NEIL2: variants seen among roughly 807,000 people sequenced by gnomAD.
NEIL2 encodes nei like DNA glycosylase 2.
Under a neutral mutation model 22.2 loss-of-function variants are expected in NEIL2, and 23 were observed. The observed-to-expected ratio is 1.04, with a 90% confidence interval of 0.75 to 1.47. NEIL2 has a LOEUF of 1.47. NEIL2 is among the 40% of genes most tolerant of loss of function. NEIL2 has a pLI of 0.00. For synonymous variants in NEIL2, 229 were observed against 164.8 expected (o/e 1.39, Z -2.99); for missense variants, 583 against 404.7 (o/e 1.44, Z -3.78).
At position 11,779,705 on chromosome 8, in the gene NEIL2, G is replaced by C. The variant is rs1405333719; in HGVS notation, c.246G>C (p.Gly82=). The change falls in exon 3 of 5, where the codon GGG becomes GGC. Residue 82 remains glycine, a synonymous_variant. Coordinates refer to ENST00000284503, the MANE Select transcript of NEIL2 (RefSeq NM_145043.4). ...EPPQKEVQKE[G]AADPKQVGEP... ...CACAAAAAGAAGTGCAGAAGGAAGG[G>C]GCTGCGGACCCAAAGCAGGTCGGGG... 1 of 1,614,122 alleles carries C rather than the reference G, an allele frequency of 6.2e-7. No homozygotes were observed. Among genetic ancestry groups the C allele is most frequent in the Non-Finnish European group, 8.5e-7 (1 of 1,180,024 alleles).
At chr8:11,784,352 G>T (rs912843948) in intron 4 of NEIL2, among the ~76,000 whole-genome samples, 1 of 152,206 alleles carries the variant, frequency 6.6e-6, no homozygotes, top group African/African-American at 2.4e-5. Context: ...GCTCTGATGT[G>T]CCAGGCACAT....
intron 4 of NEIL2, among the ~76,000 whole-genome samples, chr8:11,784,304 A>T (rs1452817414): frequency 6.6e-6 from 1 of 152,230 alleles, no homozygotes; most frequent in African/African-American, 2.4e-5. Context: ...AGCTAACAGT[A>T]ACAGTAGTAA....
In NEIL2 at chr8:11,779,964, C is replaced by T. The variant is rs1804270413; in HGVS notation, c.491+14C>T. The T allele has an allele frequency of 1.9e-6, 3 of 1,609,024 alleles. No individual in the cohort carries two copies. Among genetic ancestry groups the T allele is most frequent in the Admixed American group, 1.7e-5 (1 of 59,974 alleles). On this transcript the variant is annotated intron_variant, in intron 3 of 4. Transcript: ENST00000284503. ...CCCTTCCCCGAGGTAATGGTGTGGCCATCTGATTTTCGTGGGCTCTGATAG... is the reference window on the plus strand; with the variant it reads ...CCCTTCCCCGAGGTAATGGTGTGGCTATCTGATTTTCGTGGGCTCTGATAG...
chr8:11,771,832 A>G lies in NEIL2; in HGVS notation c.138+247A>G, dbSNP rs545739826. Among the ~76,000 whole-genome samples, 15 of 152,222 alleles carry G rather than the reference A, an allele frequency of 9.9e-5. No homozygotes were observed. The South Asian group carries it at 1.2e-3, about 13-fold the overall frequency. On this transcript the variant is annotated intron_variant, in intron 2 of 4. Transcript: ENST00000284503. ...GATTCAGAGGGTCTGGAGTGCTCCT[A>G]TTCTCTCCGGCCGCAGCTGATGGGC...
intron 3 of NEIL2, 174 bp from the exon 4 acceptor site, chr8:11,783,029 A>G (rs1182597189): frequency 3.0e-6 from 2 of 661,812 alleles, no homozygotes; most frequent in African/African-American, 2.1e-5. Flanking sequence ...CTCTGACTAT[A>G]CTGTGGTAAC....
chr8:11,778,279 A>G (rs1438051095), intron 2 of NEIL2, among the ~76,000 whole-genome samples: 3 of 130,972 alleles, frequency 2.3e-5, no homozygotes, highest in Non-Finnish European at 4.7e-5. Context: ...GCCCACTTAA[A>G]TCCTTGCTCA....
chr8:11,780,820 T>C (rs945119093), intron 3 of NEIL2, among the ~76,000 whole-genome samples: 1 of 152,198 alleles, frequency 6.6e-6, no homozygotes, highest in Non-Finnish European at 1.5e-5. Flanking sequence ...GGGCTGTACA[T>C]TTTTCTGGCC....
At chr8:11,773,142 G>A (rs1015485033) in intron 2 of NEIL2, among the ~76,000 whole-genome samples, 3 of 152,156 alleles carry the variant, frequency 2.0e-5, no homozygotes, top group African/African-American at 7.2e-5. Flanking sequence ...TTCGAGGTTT[G>A]CAGGGGCAGA....
Position 11,786,488 on chromosome 8 carries a change from G to T in NEIL2, c.*215G>T. 2 of 599,926 alleles carry T rather than the reference G, an allele frequency of 3.3e-6. No individual in the cohort carries two copies. The highest frequency in any genetic ancestry group is 5.6e-5 in the Admixed American group (2 of 35,590). The allele number at this position is 599,926 out of a possible 1,614,324, so 37.2% of individuals were successfully genotyped here. A position where few individuals can be genotyped will look rare whatever the true frequency, so the allele number is the denominator to read the frequency against. ...TTTTCTAGTTCAGTTAATTCATCCT[G>T]TTGAATTGCACCATCGTGAAAGATG... On this transcript the variant is annotated 3_prime_UTR_variant, in exon 5 of 5. Coordinates refer to ENST00000284503, the MANE Select transcript of NEIL2 (RefSeq NM_145043.4).
At chr8:11,774,123 C>T (rs971543309) in intron 2 of NEIL2, among the ~76,000 whole-genome samples, 1 of 152,154 alleles carries the variant, frequency 6.6e-6, no homozygotes. Context: ...TGCCTGTAAT[C>T]CCAGCACTTT....
At chr8:11,778,965 A>AAAAAAAT (rs1804152311) in intron 2 of NEIL2, among the ~76,000 whole-genome samples, 1 of 148,384 alleles carries the variant, frequency 6.7e-6, no homozygotes. Flanking sequence ...AAAAAAAAAA[A>AAAAAAAT]GACAGCAGAA....
intron 2 of NEIL2, among the ~76,000 whole-genome samples, chr8:11,773,443 A>G (rs1442189497): frequency 6.6e-6 from 1 of 152,172 alleles, no homozygotes; most frequent in Admixed American, 6.5e-5. Flanking sequence ...CTGAATTGAG[A>G]ACATACGGCT....
chr8:11,778,557 A>C (rs1206627577), intron 2 of NEIL2, among the ~76,000 whole-genome samples: 2 of 151,948 alleles, frequency 1.3e-5, no homozygotes, highest in Admixed American at 1.3e-4. Context: ...TTTGGTTTAT[A>C]CTCCTTGAAA....
intron 2 of NEIL2, among the ~76,000 whole-genome samples, chr8:11,775,905 G>T (rs947999048): frequency 3.9e-5 from 6 of 152,206 alleles, no homozygotes. Context: ...CAAGTATCTA[G>T]GAAGTTCCAA....
chr8:11,786,523 G>T lies in NEIL2; in HGVS notation c.*250G>T, dbSNP rs753520961. Reference sequence around the variant, plus strand: ...ACCATCGTGAAAGATGGGAAAAATCGTGATGATGGGTAAGGGGAAAACTTC... The same window carrying T: ...ACCATCGTGAAAGATGGGAAAAATCTTGATGATGGGTAAGGGGAAAACTTC... On this transcript the variant is annotated 3_prime_UTR_variant, in exon 5 of 5. Transcript: ENST00000284503. 1 of 551,302 alleles carries T rather than the reference G, an allele frequency of 1.8e-6. No homozygotes were observed. The allele number at this position is 551,302 out of a possible 1,614,324, so 34.2% of individuals were successfully genotyped here. A position where few individuals can be genotyped will look rare whatever the true frequency, so the allele number is the denominator to read the frequency against.
At chr8:11,770,966 G>A (rs1395781721) in intron 1 of NEIL2, among the ~76,000 whole-genome samples, 3 of 152,172 alleles carry the variant, frequency 2.0e-5, no homozygotes, top group African/African-American at 7.2e-5. Context: ...AGTGGTCGGC[G>A]GTCCTGGAGG....
At chr8:11,783,164 G>GGTAACGATGT (rs1285008906) in intron 3 of NEIL2, 39 bp from the exon 4 acceptor site, 2 of 1,581,442 alleles carry the variant, frequency 1.3e-6, no homozygotes, top group African/African-American at 1.3e-5. Context: ...ACTATACTGT[G>GGTAACGATGT]GTAACGATGT....
chr8:11,771,469 A>T lies in NEIL2; in HGVS notation c.22A>T (p.Arg8Trp). 6.2e-7 allele frequency: 1 copy of T among 1,613,964 alleles called. No individual in the cohort carries two copies. Among genetic ancestry groups the T allele is most frequent in the Non-Finnish European group, 8.5e-7 (1 of 1,180,016 alleles). Residue 8 changes from arginine (R) to tryptophan (W), a missense_variant, in exon 2 of 5, where the codon AGG becomes TGG. By Grantham distance (101) the Arg-to-Trp change is moderately radical. Coordinates refer to ENST00000284503, the MANE Select transcript of NEIL2 (RefSeq NM_145043.4). ...AGGGATGCCAGAAGGGCCGTTGGTGAGGAAATTTCACCATTTGGTCTCCCC... is the reference window on the plus strand; with the variant it reads ...AGGGATGCCAGAAGGGCCGTTGGTGTGGAAATTTCACCATTTGGTCTCCCC... The part of the protein sequence containing the change: MPEGPLV[R>W]KFHHLVSPFV...
chr8:11,775,276 C>T (rs1803811204), intron 2 of NEIL2, among the ~76,000 whole-genome samples: 2 of 152,152 alleles, frequency 1.3e-5, no homozygotes, highest in African/African-American at 2.4e-5. Flanking sequence ...GCAGGCTCAA[C>T]ACCACATGTG....
Sources: allele counts gnomAD v4.1 joint callset (sites outside exome capture counted in the v4.1 genomes callset), GRCh38; gene constraint gnomAD v4.1.1; transcripts MANE v1.5; gene names NCBI Gene and HGNC (gene_info 2026-07-23, HGNC 2026-07-21).